The following PCDHGB5 variants were observed in gnomAD, a reference collection of about 807,000 sequenced individuals.
PCDHGB5 encodes the protein protocadherin gamma-B5.
PCDHGB5 carries 48 observed loss-of-function variants against 62.9 expected under a neutral mutation model. That is an observed-to-expected ratio of 0.76 (90% confidence interval 0.61 to 0.97). The LOEUF (loss-of-function observed/expected upper bound fraction) is 0.97, where lower values mean the gene tolerates loss of function less well. Among genes scored for constraint, PCDHGB5 ranks in the 50% least tolerant of loss-of-function variants. The pLI, the probability that PCDHGB5 is intolerant of heterozygous loss-of-function variation, is 0.00. For missense variants in PCDHGB5, 1,118 were observed against 1,198.6 expected (o/e 0.93, Z 0.99); for synonymous variants, 474 against 511.2 (o/e 0.93, Z 0.98).
At chr5:141,437,445 T>C (rs187869679) in intron 1 of PCDHGB5, among the ~76,000 whole-genome samples, 1 of 152,348 alleles carries the variant, frequency 6.6e-6, no homozygotes, top group East Asian at 1.9e-4. Flanking sequence ...CATAGGAATG[T>C]TGAGGAGACT....
chr5:141,429,387 T>TTAA (rs775632416), intron 1 of PCDHGB5, among the ~76,000 whole-genome samples: 1 of 151,334 alleles, frequency 6.6e-6, no homozygotes, highest in Non-Finnish European at 1.5e-5. Flanking sequence ...GTTTTTTTTT[T>TTAA]AAAAAAAATT....
At chr5:141,488,359 T>A (rs1262194591) in intron 1 of PCDHGB5, among the ~76,000 whole-genome samples, 1 of 152,198 alleles carries the variant, frequency 6.6e-6, no homozygotes, top group Non-Finnish European at 1.5e-5. Context: ...ACCCTGTGCA[T>A]CTTTAAGTTG....
intron 1 of PCDHGB5, chr5:141,409,546 C>A (rs775680397): frequency 6.2e-7 from 1 of 1,613,880 alleles, no homozygotes; most frequent in African/African-American, 1.3e-5. Flanking sequence ...TCAACGACAA[C>A]GCCCCAGTTT....
At chr5:141,451,703 A>C (rs975120935) in intron 1 of PCDHGB5, among the ~76,000 whole-genome samples, 2 of 152,144 alleles carry the variant, frequency 1.3e-5, no homozygotes, top group Non-Finnish European at 2.9e-5. Context: ...GTAACATGAC[A>C]AAACCCTGCC....
chr5:141,421,362 C>T (rs2096566609), intron 1 of PCDHGB5: 1 of 1,613,998 alleles, frequency 6.2e-7, no homozygotes, highest in African/African-American at 1.3e-5. Context: ...AGGGCTCCTT[C>T]GTGGGCAATA....
rs1374190670 is a variant in PCDHGB5 at position 141,487,196 on chromosome 5, G to C, written c.2398-7611G>C. ...GGAAGACACTCATCCAGTTGTCCCAGATCTTCGAGAATCTTCAGCTCCAAG... is the reference window on the plus strand; with the variant it reads ...GGAAGACACTCATCCAGTTGTCCCACATCTTCGAGAATCTTCAGCTCCAAG... On this transcript the variant is annotated intron_variant, in intron 1 of 3. Coordinates refer to ENST00000617380, the MANE Select transcript of PCDHGB5 (RefSeq NM_018925.3). The surrounding 1 kb of genome is among the most constrained non-coding windows in gnomAD (Gnocchi z 5.0). 6.2e-7 allele frequency: 1 copy of C among 1,613,878 alleles called. No homozygotes were observed. Among genetic ancestry groups the C allele is most frequent in the Admixed American group, 1.7e-5 (1 of 60,030 alleles).
chr5:141,432,918 A>C lies in PCDHGB5; in HGVS notation c.2397+32394A>C. ...CTGGCGCTCAGGCTGCGGCGCTGGC[A>C]CAAGTCACGCCTGCTGCAGGCTTCA... On this transcript the variant is annotated intron_variant, in intron 1 of 3. Coordinates refer to ENST00000617380, the MANE Select transcript of PCDHGB5 (RefSeq NM_018925.3). This position sits in a 1 kb window ranked among gnomAD's most constrained non-coding sequence, Gnocchi z 6.0. 1 of 1,614,128 alleles carries C rather than the reference A, an allele frequency of 6.2e-7. No homozygotes were observed. Among genetic ancestry groups the C allele is most frequent in the South Asian group, 1.1e-5 (1 of 91,082 alleles).
Position 141,485,168 on chromosome 5 carries a change from G to A in PCDHGB5, c.2398-9639G>A. The A allele has an allele frequency of 6.2e-7, 1 of 1,608,668 alleles. No individual in the cohort carries two copies. Among genetic ancestry groups the A allele is most frequent in the Non-Finnish European group, 8.5e-7 (1 of 1,175,736 alleles). ...GGAGCAAGTAGAGAATTAGCGGGCG[G>A]CAGCAATGCTCCGCAAGGTGAGAAG... is the stretch of plus-strand genomic sequence containing the variant. On this transcript the variant is annotated intron_variant, in intron 1 of 3. Coordinates refer to ENST00000617380, the MANE Select transcript of PCDHGB5 (RefSeq NM_018925.3). This position sits in a 1 kb window ranked among gnomAD's most constrained non-coding sequence, Gnocchi z 5.7.
At chr5:141,400,903 T>C (rs1489476752) in intron 1 of PCDHGB5, among the ~76,000 whole-genome samples, 1 of 152,258 alleles carries the variant, frequency 6.6e-6, no homozygotes, top group Non-Finnish European at 1.5e-5. Flanking sequence ...TTAATTCATC[T>C]TTTAAAGCAA....
chr5:141,432,934 G>GC lies in PCDHGB5; in HGVS notation c.2397+32411dup. On this transcript the variant is annotated intron_variant, in intron 1 of 3. Transcript: ENST00000617380. The surrounding 1 kb of genome is among the most constrained non-coding windows in gnomAD (Gnocchi z 6.0). ...GGCGCTGGCACAAGTCACGCCTGCT[G>GC]CAGGCTTCAGGAGGCGGCTTGACAG... The GC allele has an allele frequency of 6.2e-7, 1 of 1,614,196 alleles. No individual in the cohort carries two copies. Among genetic ancestry groups the GC allele is most frequent in the Non-Finnish European group, 8.5e-7 (1 of 1,180,040 alleles).
rs756706355 is a variant in PCDHGB5 at position 141,486,950 on chromosome 5, G to C, written c.2398-7857G>C. 6.2e-7 allele frequency: 1 copy of C among 1,614,202 alleles called. No homozygotes were observed. Among genetic ancestry groups the C allele is most frequent in the East Asian group, 2.2e-5 (1 of 44,876 alleles). On this transcript the variant is annotated intron_variant, in intron 1 of 3. Coordinates refer to ENST00000617380, the MANE Select transcript of PCDHGB5 (RefSeq NM_018925.3). The surrounding 1 kb of genome is among the most constrained non-coding windows in gnomAD (Gnocchi z 5.0). ...TGGTGCTGGCCACCTAATCACAAAG[G>C]TGACTGCTGTGGACTTGGATTCAGG...
chr5:141,406,998 A>T (rs138992041), intron 1 of PCDHGB5, among the ~76,000 whole-genome samples: 1 of 152,234 alleles, frequency 6.6e-6, no homozygotes, highest in Non-Finnish European at 1.5e-5. Context: ...ATTTGAAAAT[A>T]AGCTTTGAAG....
intron 1 of PCDHGB5, chr5:141,404,764 C>G: frequency 6.2e-7 from 1 of 1,613,920 alleles, no homozygotes; most frequent in Non-Finnish European, 8.5e-7. Context: ...ATGCTTGGCT[C>G]TCCTACCGCC....
At chr5:141,450,826 A>C (rs965147554) in intron 1 of PCDHGB5, among the ~76,000 whole-genome samples, 1 of 134,302 alleles carries the variant, frequency 7.4e-6, no homozygotes, top group African/African-American at 2.9e-5. Context: ...TATTATTATT[A>C]TTATTTTTTT....
intron 1 of PCDHGB5, chr5:141,417,260 G>A (rs1362206061): frequency 1.3e-5 from 2 of 152,174 alleles, no homozygotes; most frequent in Non-Finnish European, 2.9e-5. Context: ...CAGCTTCATA[G>A]ATAATTACTC....
intron 1 of PCDHGB5, chr5:141,404,898 A>G (rs760424169): frequency 1.9e-6 from 3 of 1,613,714 alleles, no homozygotes; most frequent in Non-Finnish European, 2.5e-6. Context: ...GTACAGGACC[A>G]TGGCCAGCCC....
intron 1 of PCDHGB5, chr5:141,426,390 C>T (rs1211244710): frequency 7.9e-6 from 2 of 252,180 alleles, no homozygotes; most frequent in African/African-American, 4.4e-5. Flanking sequence ...AGATCCGCTA[C>T]TCTATTCCAG....
chr5:141,478,576 G>C (rs543160289), intron 1 of PCDHGB5: 3 of 1,585,598 alleles, frequency 1.9e-6, no homozygotes, highest in Middle Eastern at 3.3e-4. Flanking sequence ...GCTTGACCCT[G>C]TTAGTGCTTT....
At chr5:141,403,491 T>A in intron 1 of PCDHGB5, 1 of 1,614,010 alleles carries the variant, frequency 6.2e-7, no homozygotes, top group South Asian at 1.1e-5. Context: ...CACTTCTCCC[T>A]GAACGTGCAG....
Sources: gnomAD v4.1 joint callset for allele counts (sites outside exome capture counted in the v4.1 genomes callset) on GRCh38, gnomAD v4.1.1 for gene constraint, Gnocchi (gnomAD v3.1) non-coding constraint, MANE v1.5 for transcripts, NCBI Gene and HGNC (gene_info 2026-07-23, HGNC 2026-07-21) for gene names.